The following WDR70 variants were observed in gnomAD, a reference collection of about 807,000 sequenced individuals.
WDR70 encodes the protein WD repeat-containing protein 70.
A neutral mutation model predicts 88.6 loss-of-function variants in WDR70; 53 were observed. The ratio of observed to expected loss-of-function variants is 0.60; its 90% confidence interval spans 0.48 to 0.75. The LOEUF (loss-of-function observed/expected upper bound fraction) is 0.75. Ranked by LOEUF, WDR70 falls within the 30% of genes least tolerant of loss-of-function variation. The probability of loss-of-function intolerance (pLI) is 0.00; values close to 1 mark genes in which losing one functional copy is unlikely to be tolerated. For missense variants in WDR70, 610 were observed against 823.2 expected, an observed-to-expected ratio of 0.74 and a Z score of 3.17; for synonymous variants, 280 against 270.0, an observed-to-expected ratio of 1.04 and a Z score of -0.36.
intron 9 of WDR70, among the ~76,000 whole-genome samples, chr5:37,519,739 G>C (rs1741027613): frequency 1.3e-5 from 2 of 152,362 alleles, no homozygotes; most frequent in Admixed American, 6.5e-5. Context: ...TGGGCAGAGA[G>C]AGCACAGATA....
intron 7 of WDR70, among the ~76,000 whole-genome samples, chr5:37,475,213 C>T (rs1305308664): frequency 6.6e-6 from 1 of 150,562 alleles, no homozygotes; most frequent in East Asian, 2.0e-4. Flanking sequence ...AGCCACGGTA[C>T]CCATCCTTGT....
intron 11 of WDR70, among the ~76,000 whole-genome samples, chr5:37,698,441 T>C (rs1479823011): frequency 6.6e-6 from 1 of 151,916 alleles, no homozygotes; most frequent in Non-Finnish European, 1.5e-5. Flanking sequence ...GCATGGTAAG[T>C]AGTTTGGAGC....
At chr5:37,433,320 C>A (rs1165725431) in intron 5 of WDR70, among the ~76,000 whole-genome samples, 1 of 152,134 alleles carries the variant, frequency 6.6e-6, no homozygotes, top group East Asian at 1.9e-4. Flanking sequence ...CTTGGCCTTA[C>A]AAAGTACTGG....
At chr5:37,508,062 G>A (rs1422939198) in intron 8 of WDR70, among the ~76,000 whole-genome samples, 3 of 152,102 alleles carry the variant, frequency 2.0e-5, no homozygotes, top group Non-Finnish European at 4.4e-5. Flanking sequence ...CTGACATTTA[G>A]AGAAAATATT....
At chr5:37,479,705 G>A (rs1739599664) in intron 7 of WDR70, 129 bp from the exon 8 acceptor site, 2 of 1,122,090 alleles carry the variant, frequency 1.8e-6, no homozygotes, top group Admixed American at 2.3e-5. Context: ...TGAGGTTGAT[G>A]TTCCTGATTT....
At chr5:37,649,143 G>A (rs1745321714) in intron 10 of WDR70, among the ~76,000 whole-genome samples, 1 of 152,150 alleles carries the variant, frequency 6.6e-6, no homozygotes, top group Non-Finnish European at 1.5e-5. Flanking sequence ...GGACTAAGAT[G>A]TATAAGGCAG....
intron 8 of WDR70, among the ~76,000 whole-genome samples, chr5:37,497,311 CCCTTT>C (rs1186652839): frequency 6.9e-6 from 1 of 144,876 alleles, no homozygotes. Flanking sequence ...CCCTTCCCTT[CCCTTT>C]CCTTCCCTTC....
intron 10 of WDR70, among the ~76,000 whole-genome samples, chr5:37,658,047 A>C (rs761091659): frequency 6.6e-6 from 1 of 150,926 alleles, no homozygotes; most frequent in Non-Finnish European, 1.5e-5. Context: ...TAAAGTAAGT[A>C]AAGTAAAGTA....
At chr5:37,492,570 G>A (rs1388833929) in intron 8 of WDR70, among the ~76,000 whole-genome samples, 2 of 152,148 alleles carry the variant, frequency 1.3e-5, no homozygotes, top group African/African-American at 4.8e-5. Context: ...AAAAGCAGTT[G>A]GGCTCTTCCT....
intron 13 of WDR70, among the ~76,000 whole-genome samples, chr5:37,720,865 C>G (rs796874928): frequency 6.6e-6 from 1 of 151,934 alleles, no homozygotes; most frequent in Non-Finnish European, 1.5e-5. Context: ...TCAGGGCTGT[C>G]CAGAAAGGGA....
intron 9 of WDR70, among the ~76,000 whole-genome samples, chr5:37,595,778 T>C (rs1322400519): frequency 6.6e-6 from 1 of 152,176 alleles, no homozygotes; most frequent in Non-Finnish European, 1.5e-5. Context: ...TTGTTTAATC[T>C]GTGTATGCCT....
chr5:37,531,209 A>G (rs1242457866), intron 9 of WDR70, among the ~76,000 whole-genome samples: 1 of 152,186 alleles, frequency 6.6e-6, no homozygotes, highest in African/African-American at 2.4e-5. Context: ...TTTGTGGCAT[A>G]TCATATGGTC....
At chr5:37,682,531 G>C (rs182271942) in intron 10 of WDR70, among the ~76,000 whole-genome samples, 132 of 152,044 alleles carry the variant, frequency 8.7e-4, no homozygotes, top group Non-Finnish European at 1.4e-3. Flanking sequence ...GTTAAGTTGA[G>C]ATCTTTCTAA....
intron 9 of WDR70, among the ~76,000 whole-genome samples, chr5:37,528,691 T>C (rs1741385140): frequency 6.6e-6 from 1 of 152,224 alleles, no homozygotes; most frequent in Admixed American, 6.5e-5. Flanking sequence ...CTTATTTGAT[T>C]TCCTTGTAGA....
intron 9 of WDR70, among the ~76,000 whole-genome samples, chr5:37,534,213 C>G (rs1412377445): frequency 1.3e-5 from 2 of 152,214 alleles, no homozygotes; most frequent in East Asian, 3.8e-4. Context: ...CTCTGCCTGT[C>G]TGAGCGGGAG....
intron 7 of WDR70, among the ~76,000 whole-genome samples, chr5:37,456,889 T>A (rs1738856638): frequency 1.3e-5 from 2 of 151,978 alleles, no homozygotes; most frequent in African/African-American, 4.8e-5. Context: ...GGAAATGAAT[T>A]AATAGGTAAC....
chr5:37,744,617 C>G (rs1412196807), intron 17 of WDR70, among the ~76,000 whole-genome samples: 1 of 151,740 alleles, frequency 6.6e-6, no homozygotes, highest in African/African-American at 2.4e-5. Context: ...AAAAACACAG[C>G]ACAAGAACTT....
chr5:37,443,692 A>G (rs1428771080), intron 7 of WDR70, among the ~76,000 whole-genome samples: 1 of 152,200 alleles, frequency 6.6e-6, no homozygotes, highest in Non-Finnish European at 1.5e-5. Flanking sequence ...GTCTCTACTA[A>G]AATTACAAAA....
chr5:37,408,086 G>A (rs1047391351), intron 5 of WDR70, among the ~76,000 whole-genome samples: 4 of 152,030 alleles, frequency 2.6e-5, no homozygotes, highest in Non-Finnish European at 4.4e-5. Flanking sequence ...TCTCGTCTGC[G>A]TCTGTCTTTT....
Sources: gnomAD v4.1 joint callset for allele counts (sites outside exome capture counted in the v4.1 genomes callset) on GRCh38, gnomAD v4.1.1 for gene constraint, MANE v1.5 for transcripts, NCBI Gene and HGNC (gene_info 2026-07-23, HGNC 2026-07-21) for gene names.